The following KCNJ3 variants were observed in gnomAD, a reference collection of about 807,000 sequenced individuals.
The protein encoded by KCNJ3 is G protein-activated inward rectifier potassium channel 1.
A neutral mutation model predicts 39.2 loss-of-function variants in KCNJ3; 4 were observed. That is an observed-to-expected ratio of 0.10 (90% CI 0.05 to 0.23). KCNJ3 has a LOEUF of 0.23. KCNJ3 is among the 10% of genes least tolerant of loss of function. The pLI is 1.00. For missense variants in KCNJ3, 276 were observed against 634.9 expected (o/e 0.43, Z 6.08); for synonymous variants, 230 against 237.4 (o/e 0.97, Z 0.29).
chr2:154,709,698 C>T lies in KCNJ3; in HGVS notation c.798C>T (p.Ser266=), dbSNP rs1355959905. 4 of 1,613,780 alleles carry T rather than the reference C, an allele frequency of 2.5e-6. No homozygotes were observed. The highest frequency in any genetic ancestry group is 1.6e-4 in the Middle Eastern group (1 of 6,062). Residue 266 remains serine, a synonymous_variant, in exon 2 of 3, where the codon TCC becomes TCT. Transcript: ENST00000295101. ...STGADQLFLV[S]PLTICHVIDA... Reference sequence around the variant, plus strand: ...GGGCAGATCAACTTTTTCTTGTGTCCCCCCTCACAATTTGCCACGTGATCG... The same window carrying T: ...GGGCAGATCAACTTTTTCTTGTGTCTCCCCTCACAATTTGCCACGTGATCG...
chr2:154,841,115 C>G (rs1434791194), intron 2 of KCNJ3, among the ~76,000 whole-genome samples: 1 of 152,034 alleles, frequency 6.6e-6, no homozygotes, highest in Non-Finnish European at 1.5e-5. Context: ...TCCATCGATA[C>G]CTAGTTTATT....
chr2:154,765,390 G>A (rs185588998), intron 2 of KCNJ3, among the ~76,000 whole-genome samples: 1 of 152,174 alleles, frequency 6.6e-6, no homozygotes, highest in East Asian at 1.9e-4. Flanking sequence ...AACTACAGAA[G>A]GAATATTTAT....
chr2:154,785,406 C>G (rs1435100362), intron 2 of KCNJ3, among the ~76,000 whole-genome samples: 1 of 152,100 alleles, frequency 6.6e-6, no homozygotes, highest in East Asian at 1.9e-4. Flanking sequence ...CTATGGTTTG[C>G]GTGTTTGTCC....
In KCNJ3 at chr2:154,699,540, C is replaced by G; in HGVS notation, c.702+63C>G. Reference sequence around the variant, plus strand: ...CGTCCCCCAAACCCGCGGAGTAACTCGTCTGAGAACCAGCCCGGGCCCCCT... The same window carrying G: ...CGTCCCCCAAACCCGCGGAGTAACTGGTCTGAGAACCAGCCCGGGCCCCCT... On this transcript the variant is annotated intron_variant, in intron 1 of 2. Transcript: ENST00000295101. The surrounding 1 kb of genome is among the most constrained non-coding windows in gnomAD (Gnocchi z 6.4). 1 of 1,493,368 alleles carries G rather than the reference C, an allele frequency of 6.7e-7. No individual in the cohort carries two copies. The highest frequency in any genetic ancestry group is 8.9e-7 in the Non-Finnish European group (1 of 1,123,362). 92.5% of individuals were successfully genotyped at this position (1,493,368 alleles called of 1,614,324 possible).
chr2:154,733,488 G>T (rs2105168974), intron 2 of KCNJ3, among the ~76,000 whole-genome samples: 2 of 152,190 alleles, frequency 1.3e-5, no homozygotes, highest in Middle Eastern at 6.8e-3. Context: ...TTAGTTTTAA[G>T]TTGAGGCCCT....
In KCNJ3 at chr2:154,824,173, A is replaced by G. The variant is rs549885197; in HGVS notation, c.920-30554A>G. ...AACATGGTGAAACCACATCTCTACA[A>G]AAAATACAAAAATCAGCCGGGCATA... On this transcript the variant is annotated intron_variant, in intron 2 of 2. Transcript: ENST00000295101. 2.0e-5 allele frequency among the ~76,000 whole-genome samples: 3 copies of G among 152,208 alleles called. No individual in the cohort carries two copies. In the South Asian group the frequency reaches 6.2e-4, roughly 32 times the overall value.
At chr2:154,845,868 G>A (rs1454164843) in intron 2 of KCNJ3, among the ~76,000 whole-genome samples, 1 of 151,432 alleles carries the variant, frequency 6.6e-6, no homozygotes, top group African/African-American at 2.4e-5. Context: ...TACTTGGGAG[G>A]CTGAGGCAGG....
chr2:154,807,406 A>C (rs1250096922), intron 2 of KCNJ3, among the ~76,000 whole-genome samples: 3 of 152,222 alleles, frequency 2.0e-5, no homozygotes, highest in Non-Finnish European at 4.4e-5. Context: ...TGTGACCTAC[A>C]TCAGTCAAGG....
At chr2:154,787,583 T>G (rs1253364991) in intron 2 of KCNJ3, among the ~76,000 whole-genome samples, 2 of 152,084 alleles carry the variant, frequency 1.3e-5, no homozygotes, top group Non-Finnish European at 2.9e-5. Flanking sequence ...TTCTTTCTGT[T>G]TTATCAAACT....
At chr2:154,722,649 C>G (rs1205065831) in intron 2 of KCNJ3, among the ~76,000 whole-genome samples, 1 of 151,768 alleles carries the variant, frequency 6.6e-6, no homozygotes, top group South Asian at 2.1e-4. Context: ...AATGGGGGAG[C>G]CATAGATGGT....
chr2:154,733,582 T>A (rs1574439531), intron 2 of KCNJ3, among the ~76,000 whole-genome samples: 1 of 152,316 alleles, frequency 6.6e-6, no homozygotes, highest in Admixed American at 6.5e-5. Context: ...TAGAAATGTC[T>A]ATGAAAAATT....
chr2:154,802,770 A>C (rs1268293816), intron 2 of KCNJ3, among the ~76,000 whole-genome samples: 1 of 152,194 alleles, frequency 6.6e-6, no homozygotes, highest in Non-Finnish European at 1.5e-5. Context: ...AGTGAGATAC[A>C]TAGCAGCACA....
At chr2:154,780,300 G>A (rs1330981560) in intron 2 of KCNJ3, among the ~76,000 whole-genome samples, 1 of 152,158 alleles carries the variant, frequency 6.6e-6, no homozygotes, top group Non-Finnish European at 1.5e-5. Context: ...TGCCTATATT[G>A]TGAGAGAGGC....
At chr2:154,849,267 A>C (rs925124179) in intron 2 of KCNJ3, among the ~76,000 whole-genome samples, 1 of 152,180 alleles carries the variant, frequency 6.6e-6, no homozygotes, top group African/African-American at 2.4e-5. Context: ...ATATAATCCT[A>C]TAGAGATATT....
chr2:154,726,107 G>A (rs1685353294), intron 2 of KCNJ3, among the ~76,000 whole-genome samples: 3 of 152,028 alleles, frequency 2.0e-5, no homozygotes, highest in African/African-American at 7.2e-5. Context: ...AAGATAACTA[G>A]ATGAGACTTA....
intron 2 of KCNJ3, among the ~76,000 whole-genome samples, chr2:154,734,166 A>C (rs1685486428): frequency 6.6e-6 from 1 of 152,182 alleles, no homozygotes; most frequent in South Asian, 2.1e-4. Context: ...CTTTCATGAA[A>C]ATTTGCTGAA....
intron 2 of KCNJ3, among the ~76,000 whole-genome samples, chr2:154,724,731 G>C (rs1333065194): frequency 6.6e-6 from 1 of 151,554 alleles, no homozygotes; most frequent in African/African-American, 2.4e-5. Context: ...TTAACTGTCT[G>C]AGAGAATAAA....
intron 2 of KCNJ3, among the ~76,000 whole-genome samples, chr2:154,739,144 A>G (rs1276873046): frequency 6.6e-6 from 1 of 152,060 alleles, no homozygotes; most frequent in Admixed American, 6.6e-5. Context: ...TATACTTTTT[A>G]GTATAAGGGA....
rs1240468389 is a variant in KCNJ3 at position 154,855,518 on chromosome 2, G to A, written c.*205G>A. 12 of 499,854 alleles carry A rather than the reference G, an allele frequency of 2.4e-5. No individual in the cohort carries two copies. Among genetic ancestry groups the A allele is most frequent in the Non-Finnish European group, 3.9e-5 (11 of 282,630 alleles). 31.0% of individuals were successfully genotyped at this position (499,854 alleles called of 1,614,324 possible). A position where few individuals can be genotyped will look rare whatever the true frequency, so the allele number is the denominator to read the frequency against. On this transcript the variant is annotated 3_prime_UTR_variant, in exon 3 of 3. Coordinates refer to ENST00000295101, the MANE Select transcript of KCNJ3 (RefSeq NM_002239.4). ...AGGACATCATAAGGAAGTTATTAACGGGCATGTATTATCACATCAAGCATG... is the reference window on the plus strand; with the variant it reads ...AGGACATCATAAGGAAGTTATTAACAGGCATGTATTATCACATCAAGCATG...
Sources: allele counts gnomAD v4.1 joint callset (sites outside exome capture counted in the v4.1 genomes callset), GRCh38; gene constraint gnomAD v4.1.1; non-coding constraint Gnocchi (gnomAD v3.1); transcripts MANE v1.5; gene names NCBI Gene and HGNC (gene_info 2026-07-23, HGNC 2026-07-21).